ATP8A2: variants seen among roughly 807,000 people sequenced by gnomAD.
The protein encoded by ATP8A2 is ATPase phospholipid transporting 8A2.
ATP8A2 carries 100 observed loss-of-function variants against 165.6 expected under a neutral mutation model. That is an observed-to-expected ratio of 0.60 (90% confidence interval 0.51 to 0.71). The LOEUF is 0.71. Among genes scored for constraint, ATP8A2 ranks in the 30% least tolerant of loss-of-function variants. ATP8A2 has a pLI of 0.00. For synonymous variants in ATP8A2, 543 were observed against 548.8 expected (o/e 0.99, Z 0.15); for missense variants, 1,227 against 1,479.5 (o/e 0.83, Z 2.80).
chr13:25,765,742 T>C (rs1207072417), intron 25 of ATP8A2, among the ~76,000 whole-genome samples: 10 of 152,206 alleles, frequency 6.6e-5, no homozygotes, highest in Admixed American at 3.9e-4. Context: ...CTTGACTTAC[T>C]TGAGATCCAA....
chr13:25,817,561 A>T (rs1951060272), intron 27 of ATP8A2, among the ~76,000 whole-genome samples: 1 of 152,236 alleles, frequency 6.6e-6, no homozygotes, highest in African/African-American at 2.4e-5. Context: ...ACGGAAAAGA[A>T]AATGCCAGAC....
rs1229949321 is a variant in ATP8A2 at position 25,480,172 on chromosome 13, AC to A, written c.221+11058del. Among the ~76,000 whole-genome samples the A allele has an allele frequency of 1.8e-4, 24 of 135,190 alleles. No individual in the cohort carries two copies. The East Asian group carries it at 1.9e-3, about 10-fold the overall frequency. The allele number at this position is 135,190 out of a possible 152,430, so 88.7% of individuals were successfully genotyped here. A position where few individuals can be genotyped will look rare whatever the true frequency, so the allele number is the denominator to read the frequency against. ...GGGCAGCTGGCCGGGTGGGGGGCTG[AC>A]CCCCCCACCTCCCTCCCGGACGGAG... On this transcript the variant is annotated intron_variant, in intron 2 of 36. Coordinates refer to ENST00000381655, the MANE Select transcript of ATP8A2 (RefSeq NM_016529.6).
intron 27 of ATP8A2, among the ~76,000 whole-genome samples, chr13:25,809,696 C>CT (rs113060130): frequency 0.025 from 3,863 of 152,190 alleles, 170 homozygotes; most frequent in African/African-American, 0.088. Context: ...TTCTTCAGAG[C>CT]TCTGATGTTC....
chr13:25,547,454 C>T (rs2038687424), intron 10 of ATP8A2, among the ~76,000 whole-genome samples: 1 of 152,154 alleles, frequency 6.6e-6, no homozygotes, highest in Non-Finnish European at 1.5e-5. Context: ...ATCTAGGTTG[C>T]TCATTCCTTA....
intron 24 of ATP8A2, among the ~76,000 whole-genome samples, chr13:25,602,127 A>G (rs2040403710): frequency 6.6e-6 from 1 of 152,216 alleles, no homozygotes; most frequent in Non-Finnish European, 1.5e-5. Flanking sequence ...AGATTGTGGT[A>G]TACTAGAAAT....
At chr13:25,619,681 A>G (rs1421895771) in intron 24 of ATP8A2, among the ~76,000 whole-genome samples, 1 of 152,206 alleles carries the variant, frequency 6.6e-6, no homozygotes, top group Non-Finnish European at 1.5e-5. Context: ...TGAATAGTAT[A>G]TTAGTTAATA....
At chr13:25,400,996 G>C (rs962620251) in intron 1 of ATP8A2, among the ~76,000 whole-genome samples, 3 of 152,176 alleles carry the variant, frequency 2.0e-5, no homozygotes, top group African/African-American at 7.2e-5. Context: ...TTTTTGTCTA[G>C]TGTTTCTTTA....
chr13:25,640,128 C>G (rs888666084), intron 24 of ATP8A2, among the ~76,000 whole-genome samples: 1 of 152,106 alleles, frequency 6.6e-6, no homozygotes, highest in Middle Eastern at 3.4e-3. Flanking sequence ...ATTTATAGCA[C>G]TAAATGCCCA....
intron 25 of ATP8A2, among the ~76,000 whole-genome samples, chr13:25,733,761 G>T (rs368272623): frequency 1.3e-5 from 2 of 152,286 alleles, no homozygotes. Context: ...GTCTCAAGAA[G>T]TATCTTGAGA....
chr13:25,943,814 T>C lies in ATP8A2; in HGVS notation c.3184-17761T>C, dbSNP rs3783135. On this transcript the variant is annotated intron_variant, in intron 33 of 36. Transcript: ENST00000381655. ...GTGTAGACTCCCAGCCTTCTATTCA[T>C]GGATAAGCTGCATGTTGCTTATTAA... Among the ~76,000 whole-genome samples the C allele has an allele frequency of 8.4e-3, 1,271 of 152,172 alleles. 30 individuals are homozygous for C. The highest frequency in any genetic ancestry group is 0.082 in the East Asian group (422 of 5,162).
In ATP8A2 at chr13:25,462,705, C is replaced by A. The variant is rs375007790; in HGVS notation, c.77-6272C>A. Among the ~76,000 whole-genome samples the A allele has an allele frequency of 6.5e-4, 99 of 151,660 alleles. No individual in the cohort carries two copies. The South Asian group carries it at 0.02, about 30-fold the overall frequency. Reference sequence around the variant, plus strand: ...TTAATCACCCTGCTGAAACCCCCAACCCTCTAACCACATGATTGGCCTTTC... The same window carrying A: ...TTAATCACCCTGCTGAAACCCCCAAACCTCTAACCACATGATTGGCCTTTC... On this transcript the variant is annotated intron_variant, in intron 1 of 36. Transcript: ENST00000381655.
intron 2 of ATP8A2, among the ~76,000 whole-genome samples, chr13:25,527,719 C>T (rs1272915662): frequency 2.0e-5 from 3 of 151,966 alleles, no homozygotes; most frequent in Non-Finnish European, 4.4e-5. Context: ...CATTTTTTGC[C>T]ACAAGCAAGA....
chr13:25,847,858 C>T (rs903688672), intron 30 of ATP8A2, among the ~76,000 whole-genome samples: 1 of 152,138 alleles, frequency 6.6e-6, no homozygotes, highest in Non-Finnish European at 1.5e-5. Flanking sequence ...CGAGCCCACA[C>T]CCCCAGCCAC....
chr13:25,437,497 T>C (rs897359706), intron 1 of ATP8A2, among the ~76,000 whole-genome samples: 1 of 152,226 alleles, frequency 6.6e-6, no homozygotes, highest in Non-Finnish European at 1.5e-5. Flanking sequence ...CTGATGACTT[T>C]TCAACAGATC....
chr13:25,957,115 ATTAAC>A (rs1048327232), intron 33 of ATP8A2, among the ~76,000 whole-genome samples: 3 of 152,228 alleles, frequency 2.0e-5, no homozygotes, highest in African/African-American at 7.2e-5. Flanking sequence ...TATACAAAAA[ATTAAC>A]TTAAGATGGA....
chr13:25,511,117 TAG>T (rs1566201032), intron 2 of ATP8A2, among the ~76,000 whole-genome samples: 2 of 152,218 alleles, frequency 1.3e-5, no homozygotes. Flanking sequence ...AACTCTCTTA[TAG>T]ATGCAGATTT....
chr13:25,887,436 T>C (rs1370513028), intron 33 of ATP8A2, among the ~76,000 whole-genome samples: 2 of 152,068 alleles, frequency 1.3e-5, no homozygotes, highest in African/African-American at 4.8e-5. Flanking sequence ...CCTCCTGGGT[T>C]CAAGCGATTC....
rs576385541 is a variant in ATP8A2 at position 25,860,932 on chromosome 13, T to C, written c.3075+72T>C. On this transcript the variant is annotated intron_variant, in intron 32 of 36. Transcript: ENST00000381655. The stretch of plus-strand genomic sequence containing the variant: ...CATGCTAGGATTTCTTTTTAAGCCT[T>C]GGGGAAACCATAAGCAATATCTGGC... The C allele has an allele frequency of 1.6e-5, 17 of 1,087,302 alleles. No individual in the cohort carries two copies. In the East Asian group the frequency reaches 2.3e-4, roughly 15 times the overall value. The allele number at this position is 1,087,302 out of a possible 1,614,324, so 67.4% of individuals were successfully genotyped here.
chr13:25,839,426 C>A, intron 29 of ATP8A2, 120 bp from the exon 30 acceptor site: 2 of 637,882 alleles, frequency 3.1e-6, no homozygotes, highest in South Asian at 4.3e-5. Flanking sequence ...GAATAATATG[C>A]TACTCCTGGA....
Sources: gnomAD v4.1 joint callset for allele counts (sites outside exome capture counted in the v4.1 genomes callset) on GRCh38, gnomAD v4.1.1 for gene constraint, MANE v1.5 for transcripts, NCBI Gene and HGNC (gene_info 2026-07-23, HGNC 2026-07-21) for gene names.